The following LGSN variants were observed in gnomAD, a reference collection of about 807,000 sequenced individuals.
LGSN encodes lengsin.
Under a neutral mutation model 19.5 loss-of-function variants are expected in LGSN, and 21 were observed. That is an observed-to-expected ratio of 1.07 (90% CI 0.76 to 1.55). The LOEUF is 1.55. Among genes scored for constraint, LGSN ranks in the 40% most tolerant of loss-of-function variants. The pLI, the probability that LGSN is intolerant of heterozygous loss-of-function variation, is 0.00. For synonymous variants in LGSN, 257 were observed against 215.6 expected (o/e 1.19, Z -1.68); for missense variants, 673 against 608.5 (o/e 1.11, Z -1.12).
the LGSN span, among the ~76,000 whole-genome samples, chr6:63,412,394 A>AGAAGGAAGGAAGGAAG: frequency 7.2e-6 from 1 of 138,784 alleles, no homozygotes; most frequent in African/African-American, 3.1e-5. Context: ...GAGAGATGAA[A>AGAAGGAAGGAAGGAAG]GAAGGAAAGA....
intron 2 of LGSN, among the ~76,000 whole-genome samples, chr6:63,287,001 A>G (rs762938188): frequency 2.6e-5 from 4 of 152,212 alleles, no homozygotes; most frequent in Non-Finnish European, 5.9e-5. Flanking sequence ...AACACCCATC[A>G]ATCTCTCACA....
At position 63,280,308 on chromosome 6, in the gene LGSN, T is replaced by G. The variant is rs1562002085; in HGVS notation, c.1243A>C (p.Asn415His). Residue 415 changes from asparagine (N) to histidine (H), a missense_variant, in exon 4 of 4, where the codon AAC (asparagine) becomes CAC (histidine). Physicochemically the swap from Asn to His is moderately conservative, Grantham distance 68. Coordinates refer to ENST00000370657, the MANE Select transcript of LGSN (RefSeq NM_016571.3). ...IENKLGSATA[N>H]PYLVLAATVA... ...GTTGCAGCCAGCACCAAGTAAGGGTTTGCTGTTGCTGAGCCTAGTTTATTT... is the reference window on the plus strand; with the variant it reads ...GTTGCAGCCAGCACCAAGTAAGGGTGTGCTGTTGCTGAGCCTAGTTTATTT... The G allele has an allele frequency of 3.1e-6, 5 of 1,614,246 alleles. No homozygotes were observed. The highest frequency in any genetic ancestry group is 3.4e-6 in the Non-Finnish European group (4 of 1,180,048).
At chr6:63,293,411 A>G (rs1387712245) in intron 2 of LGSN, among the ~76,000 whole-genome samples, 1 of 152,216 alleles carries the variant, frequency 6.6e-6, no homozygotes, top group Non-Finnish European at 1.5e-5. Context: ...ACTTAGAATA[A>G]TAGGATTTTA....
chr6:63,470,344 T>G, the LGSN span, among the ~76,000 whole-genome samples: 1 of 151,800 alleles, frequency 6.6e-6, no homozygotes, highest in East Asian at 1.9e-4. Context: ...CATGGTTATG[T>G]GCACCTGTAG....
At chr6:63,531,319 C>A in the LGSN span, among the ~76,000 whole-genome samples, 3 of 151,990 alleles carry the variant, frequency 2.0e-5, no homozygotes, top group South Asian at 2.1e-4. Flanking sequence ...ATTTGTGAGG[C>A]CTGTAACATT....
intron 1 of LGSN, among the ~76,000 whole-genome samples, chr6:63,310,291 G>T (rs1768571342): frequency 1.3e-5 from 2 of 152,110 alleles, no homozygotes; most frequent in South Asian, 2.1e-4. Flanking sequence ...GGACAGAAGG[G>T]CTACAAAAGG....
chr6:63,554,521 G>A, the LGSN span, among the ~76,000 whole-genome samples: 1 of 152,148 alleles, frequency 6.6e-6, no homozygotes, highest in Non-Finnish European at 1.5e-5. Context: ...ATTTAGGCCG[G>A]GCACGGTGGC....
At chr6:63,420,012 C>G in the LGSN span, among the ~76,000 whole-genome samples, 2 of 140,404 alleles carry the variant, frequency 1.4e-5, no homozygotes, top group African/African-American at 5.2e-5. Flanking sequence ...GAGACCATGG[C>G]TAACACGGTG....
the LGSN span, among the ~76,000 whole-genome samples, chr6:63,568,968 C>G: frequency 6.6e-6 from 1 of 152,042 alleles, no homozygotes; most frequent in African/African-American, 2.4e-5. Context: ...ACCTTGCAAT[C>G]TAGTGTCTTT....
the LGSN span, among the ~76,000 whole-genome samples, chr6:63,543,644 G>T: frequency 2.0e-5 from 3 of 152,272 alleles, no homozygotes; most frequent in East Asian, 5.8e-4. Context: ...TACACACTGT[G>T]CCCATTCATC....
chr6:63,367,594 T>C, the LGSN span, among the ~76,000 whole-genome samples: 3 of 148,292 alleles, frequency 2.0e-5, no homozygotes, highest in Admixed American at 2.0e-4. Context: ...TTACTGGGTA[T>C]ACACCCAAAG....
chr6:63,435,112 C>T, the LGSN span, among the ~76,000 whole-genome samples: 3 of 152,170 alleles, frequency 2.0e-5, no homozygotes, highest in Non-Finnish European at 4.4e-5. Flanking sequence ...TGACCCACCA[C>T]GGAGATGCCA....
chr6:63,294,746 C>A (rs149931929), intron 2 of LGSN, among the ~76,000 whole-genome samples, 167 bp downstream of exon 2: 1 of 151,552 alleles, frequency 6.6e-6, no homozygotes, highest in African/African-American at 2.4e-5. Context: ...TATATATTTA[C>A]GTTGTAAGCT....
upstream of LGSN, among the ~76,000 whole-genome samples, chr6:63,324,739 C>T (rs1769192635): frequency 6.6e-6 from 1 of 151,554 alleles, no homozygotes; most frequent in East Asian, 1.9e-4. Flanking sequence ...AGAAAAACTA[C>T]ATACCAAAAT....
At chr6:63,423,514 C>T in the LGSN span, among the ~76,000 whole-genome samples, 8 of 150,598 alleles carry the variant, frequency 5.3e-5, no homozygotes, top group Non-Finnish European at 8.8e-5. Flanking sequence ...GTCCTAGCTA[C>T]ACAGGAGGCT....
chr6:63,367,263 A>C, the LGSN span, among the ~76,000 whole-genome samples: 1 of 152,202 alleles, frequency 6.6e-6, no homozygotes, highest in Non-Finnish European at 1.5e-5. Context: ...AAACAACCCC[A>C]TCAAAAAGTG....
At chr6:63,315,198 A>T (rs1768791511) in intron 1 of LGSN, among the ~76,000 whole-genome samples, 1 of 152,186 alleles carries the variant, frequency 6.6e-6, no homozygotes. Flanking sequence ...TATAACCAAG[A>T]CCTACCATGT....
the LGSN span, among the ~76,000 whole-genome samples, chr6:63,361,715 G>T: frequency 6.6e-6 from 1 of 152,140 alleles, no homozygotes; most frequent in Non-Finnish European, 1.5e-5. Context: ...ACCTCAGTTG[G>T]AAATGCAGAA....
At chr6:63,370,886 G>A in the LGSN span, among the ~76,000 whole-genome samples, 1 of 152,182 alleles carries the variant, frequency 6.6e-6, no homozygotes, top group African/African-American at 2.4e-5. Flanking sequence ...CATTTTTCCT[G>A]CTTTTTGAAC....
Sources: allele counts gnomAD v4.1 joint callset (sites outside exome capture counted in the v4.1 genomes callset), GRCh38; gene constraint gnomAD v4.1.1; transcripts MANE v1.5; gene names NCBI Gene and HGNC (gene_info 2026-07-23, HGNC 2026-07-21).